Variants in TXNDC11 observed in about 807,000 individuals in gnomAD.
The protein encoded by TXNDC11 is thioredoxin domain containing 11, also known as thioredoxin domain-containing protein 11.
Under a neutral mutation model 78.0 loss-of-function variants are expected in TXNDC11, and 68 were observed. The observed-to-expected ratio is 0.87, with a 90% CI of 0.72 to 1.07. The LOEUF (loss-of-function observed/expected upper bound fraction) is 1.07. Among genes scored for constraint, TXNDC11 ranks in the 50% least tolerant of loss-of-function variants. The pLI is 0.00. For missense variants in TXNDC11, 1,389 were observed against 1,221.8 expected, an observed-to-expected ratio of 1.14 and a Z score of -2.04; for synonymous variants, 571 against 495.2, an observed-to-expected ratio of 1.15 and a Z score of -2.03.
chr16:11,730,069 G>A (rs899090872), intron 4 of TXNDC11, among the ~76,000 whole-genome samples: 2 of 152,172 alleles, frequency 1.3e-5, no homozygotes, highest in Non-Finnish European at 2.9e-5. Context: ...CTGGGTGTCA[G>A]AGCAAGACTC....
chr16:11,686,584 C>A lies in TXNDC11; in HGVS notation c.2153+1273G>T, dbSNP rs1389432711. Reference sequence around the variant, plus strand: ...TACTCATTCCATTAGATACATCTGACTGCAGTTTCCATTTTATTTTATCAA... The same window carrying A: ...TACTCATTCCATTAGATACATCTGAATGCAGTTTCCATTTTATTTTATCAA... On this transcript the variant is annotated intron_variant, in intron 10 of 11. Transcript: ENST00000283033. Among the ~76,000 whole-genome samples the A allele has an allele frequency of 2.0e-5, 3 of 152,222 alleles. No homozygotes were observed. The East Asian group carries it at 5.8e-4, about 29-fold the overall frequency.
chr16:11,698,220 T>G lies in TXNDC11; in HGVS notation c.1012A>C (p.Ser338Arg), dbSNP rs746502870. ...FRWLRPHGGK[S>R]LLLNNELKKG... ...TTCAGCTCGTTATTCAGCAGGAGAC[T>G]CTTGCCTCCGTGTGGCCGCAGCCAC... The change falls in exon 7 of 12, where the codon AGT (serine) becomes CGT (arginine). Residue 338 changes from serine (S) to arginine (R), a missense_variant. Transcript: ENST00000283033. 2 of 1,614,202 alleles carry G rather than the reference T, an allele frequency of 1.2e-6. No individual in the cohort carries two copies. The highest frequency in any genetic ancestry group is 2.2e-5 in the East Asian group (1 of 44,886).
chr16:11,702,633 G>A (rs1422750913), intron 5 of TXNDC11, among the ~76,000 whole-genome samples: 6 of 152,210 alleles, frequency 3.9e-5, no homozygotes, highest in African/African-American at 9.7e-5. Context: ...TCCCAAGATC[G>A]TGCCACTGCA....
At chr16:11,703,488 G>C (rs762133585) in intron 5 of TXNDC11, among the ~76,000 whole-genome samples, 2 of 150,716 alleles carry the variant, frequency 1.3e-5, no homozygotes, top group African/African-American at 4.9e-5. Context: ...GAGAGAATGA[G>C]TATAAACTTA....
intron 10 of TXNDC11, among the ~76,000 whole-genome samples, chr16:11,687,103 C>A (rs116936601): frequency 6.6e-6 from 1 of 152,100 alleles, no homozygotes; most frequent in Non-Finnish European, 1.5e-5. Flanking sequence ...CCCTTTTTGT[C>A]TGCTTTCCCT....
At chr16:11,740,696 TGAC>T (rs1341290238) in intron 1 of TXNDC11, among the ~76,000 whole-genome samples, 3 of 152,250 alleles carry the variant, frequency 2.0e-5, no homozygotes, top group African/African-American at 7.2e-5. Context: ...TAGGAGGTCC[TGAC>T]AATAAAGGAT....
intron 7 of TXNDC11, among the ~76,000 whole-genome samples, chr16:11,696,129 C>T (rs1019353892): frequency 9.9e-5 from 15 of 152,052 alleles, no homozygotes; most frequent in Admixed American, 7.2e-4. Context: ...TTTTCAAGAT[C>T]TCTCCCCAGT....
intron 10 of TXNDC11, among the ~76,000 whole-genome samples, chr16:11,684,998 A>G (rs1167082330): frequency 7.9e-5 from 12 of 152,262 alleles, no homozygotes; most frequent in Admixed American, 7.8e-4. Context: ...TTTAGAAAGC[A>G]TAACTGGGGG....
chr16:11,683,261 T>C (rs1028720978), intron 11 of TXNDC11, among the ~76,000 whole-genome samples: 2 of 152,178 alleles, frequency 1.3e-5, no homozygotes, highest in African/African-American at 4.8e-5. Flanking sequence ...CCGGGGTAGT[T>C]GCCGTTAAGA....
chr16:11,715,960 C>T (rs1450651016), intron 5 of TXNDC11, among the ~76,000 whole-genome samples: 2 of 152,158 alleles, frequency 1.3e-5, no homozygotes, highest in Admixed American at 6.5e-5. Flanking sequence ...TTTACTTGCA[C>T]GCAAAGTATT....
chr16:11,687,055 A>AGGT (rs1343792902), intron 10 of TXNDC11, among the ~76,000 whole-genome samples: 1 of 152,226 alleles, frequency 6.6e-6, no homozygotes, highest in Non-Finnish European at 1.5e-5. Context: ...TGCATATAAC[A>AGGT]GGTGACACAG....
intron 5 of TXNDC11, among the ~76,000 whole-genome samples, chr16:11,707,001 G>T (rs2051199892): frequency 6.6e-6 from 1 of 152,146 alleles, no homozygotes; most frequent in South Asian, 2.1e-4. Flanking sequence ...GCTCTGAAGG[G>T]CCAACTGTGG....
In TXNDC11 at chr16:11,691,392, G is replaced by A; in HGVS notation, c.1798C>T (p.Pro600Ser). 1 of 1,614,182 alleles carries A rather than the reference G, an allele frequency of 6.2e-7. No individual in the cohort carries two copies. The highest frequency in any genetic ancestry group is 1.3e-5 in the African/African-American group (1 of 75,046). The change falls in exon 8 of 12, where the codon CCG (proline) becomes TCG (serine). Residue 600 changes from proline to serine, a missense_variant. Physicochemically the swap from Pro to Ser is moderately conservative, Grantham distance 74. Transcript: ENST00000283033. ...AATTCTTTCACCTGAGTGGAGCTCGGAGCACCCAGTCTCTCTGCATATAAC... is the reference window on the plus strand; with the variant it reads ...AATTCTTTCACCTGAGTGGAGCTCGAAGCACCCAGTCTCTCTGCATATAAC... ...FWLYAERLGAPSSTQVKEFAA... is the reference protein window; with the variant it reads ...FWLYAERLGASSSTQVKEFAA...
rs367917352 is a variant in TXNDC11 at position 11,698,230 on chromosome 16, G to A, written c.1002C>T (p.His334=). The A allele has an allele frequency of 2.8e-5, 46 of 1,614,082 alleles. 1 individual carries two copies. Among genetic ancestry groups the A allele is most frequent in the Middle Eastern group, 1.6e-4 (1 of 6,084 alleles). The change falls in exon 7 of 12, where the codon CAC becomes CAT. Residue 334 remains histidine (H), a synonymous_variant. Transcript: ENST00000283033. ...QETLFRWLRP[H]GGKSLLLNNE... ...TATTCAGCAGGAGACTCTTGCCTCC[G>A]TGTGGCCGCAGCCACCGAAAGAGCG... is the stretch of plus-strand genomic sequence containing the variant.
At chr16:11,735,633 C>T (rs796439242) in intron 2 of TXNDC11, among the ~76,000 whole-genome samples, 2 of 152,266 alleles carry the variant, frequency 1.3e-5, no homozygotes, top group African/African-American at 4.8e-5. Context: ...TTAAAAAGGT[C>T]GGCCTTGTTA....
chr16:11,725,364 A>G (rs558180803), intron 4 of TXNDC11, among the ~76,000 whole-genome samples: 2 of 152,294 alleles, frequency 1.3e-5, no homozygotes, highest in Non-Finnish European at 2.9e-5. Context: ...TTTAGAAAAA[A>G]AAAAAAGCTA....
chr16:11,738,416 C>T (rs1597505020), intron 1 of TXNDC11, among the ~76,000 whole-genome samples: 2 of 152,194 alleles, frequency 1.3e-5, no homozygotes, highest in East Asian at 1.9e-4. Flanking sequence ...ACTAAGGCTG[C>T]GGCAGCTAGC....
At chr16:11,695,599 T>A (rs1168306835) in intron 7 of TXNDC11, among the ~76,000 whole-genome samples, 1 of 152,174 alleles carries the variant, frequency 6.6e-6, no homozygotes, top group East Asian at 1.9e-4. Flanking sequence ...GTTTCCCCGA[T>A]CATAGACCCT....
At chr16:11,703,509 T>TACACATACACACACACAC (rs373777451) in intron 5 of TXNDC11, among the ~76,000 whole-genome samples, 1 of 144,938 alleles carries the variant, frequency 6.9e-6, no homozygotes, top group African/African-American at 2.6e-5. Context: ...AGGCTTTTGA[T>TACACATACACACACACAC]ACACACACAC....
Sources: gnomAD v4.1 joint callset for allele counts (sites outside exome capture counted in the v4.1 genomes callset) on GRCh38, gnomAD v4.1.1 for gene constraint, MANE v1.5 for transcripts, NCBI Gene and HGNC (gene_info 2026-07-23, HGNC 2026-07-21) for gene names.